Variants in MKRN2 observed in about 807,000 individuals in gnomAD.
The protein encoded by MKRN2 is makorin ring finger protein 2.
Under a neutral mutation model 45.4 loss-of-function variants are expected in MKRN2, and 32 were observed. That is an observed-to-expected ratio of 0.70 (90% CI 0.53 to 0.95). MKRN2 has a LOEUF of 0.95. Among genes scored for constraint, MKRN2 ranks in the 40% least tolerant of loss-of-function variants. The pLI, the probability that MKRN2 is intolerant of heterozygous loss-of-function variation, is 0.00. For missense variants in MKRN2, 526 were observed against 536.7 expected, an observed-to-expected ratio of 0.98 and a Z score of 0.20; for synonymous variants, 206 against 192.4, an observed-to-expected ratio of 1.07 and a Z score of -0.59.
chr3:12,566,298 C>A (rs2058068684), intron 1 of MKRN2, among the ~76,000 whole-genome samples: 1 of 152,200 alleles, frequency 6.6e-6, no homozygotes, highest in African/African-American at 2.4e-5. Context: ...TCCTGTGTTT[C>A]CCTTCTCTTA....
intron 3 of MKRN2, among the ~76,000 whole-genome samples, chr3:12,571,750 A>T (rs1407014115): frequency 6.6e-6 from 1 of 152,154 alleles, no homozygotes; most frequent in Non-Finnish European, 1.5e-5. Context: ...TAACTGGTCC[A>T]TGTGTTAACA....
At chr3:12,562,146 A>C (rs1028884933) in intron 1 of MKRN2, among the ~76,000 whole-genome samples, 1 of 152,174 alleles carries the variant, frequency 6.6e-6, no homozygotes, top group Non-Finnish European at 1.5e-5. Context: ...GAAGCCCATT[A>C]GGGATTCAGT....
At position 12,563,559 on chromosome 3, in the gene MKRN2, G is replaced by A. The variant is rs566171622; in HGVS notation, c.27-5316G>A. ...GGCTGGAGTGCAGTGGCACGATCTC[G>A]GCTCACTGCAGCCTCCGCCTCCTGA... On this transcript the variant is annotated intron_variant, in intron 1 of 7. Coordinates refer to ENST00000170447, the MANE Select transcript of MKRN2 (RefSeq NM_014160.5). 5.7e-3 allele frequency among the ~76,000 whole-genome samples: 833 copies of A among 146,792 alleles called. 3 individuals are homozygous for A. The highest frequency in any genetic ancestry group is 0.028 in the Middle Eastern group (8 of 286).
chr3:12,578,556 A>G (rs575739102), intron 6 of MKRN2, among the ~76,000 whole-genome samples: 2 of 152,128 alleles, frequency 1.3e-5, no homozygotes, highest in Admixed American at 6.5e-5. Flanking sequence ...AGCTCAGGCA[A>G]TCCACCTGCC....
chr3:12,572,512 C>A, intron 4 of MKRN2, 139 bp downstream of exon 4: 1 of 706,324 alleles, frequency 1.4e-6, no homozygotes, highest in Non-Finnish European at 2.1e-6. Flanking sequence ...CACAGGCATC[C>A]CCCTGCCAGT....
chr3:12,558,806 G>C (rs577328140), intron 1 of MKRN2, among the ~76,000 whole-genome samples: 1 of 152,272 alleles, frequency 6.6e-6, no homozygotes, highest in South Asian at 2.1e-4. Context: ...GTTGAGAAGG[G>C]ATCACTTCTG....
Position 12,581,890 on chromosome 3 carries a change from G to A in MKRN2, c.1051G>A (p.Asp351Asn), listed in dbSNP as rs751152524. 3 of 1,614,034 alleles carry A rather than the reference G, an allele frequency of 1.9e-6. No individual in the cohort carries two copies. Among genetic ancestry groups the A allele is most frequent in the Non-Finnish European group, 2.5e-6 (3 of 1,180,044 alleles). Residue 351 changes from aspartate to asparagine, a missense_variant, in exon 7 of 8, where the codon GAT becomes AAT. Transcript: ENST00000170447. ...ATGTCTTTATCGCCATGCTTACCCCGATGGGCGGCTAGCAGAGCCTGAGAA... is the reference window on the plus strand; with the variant it reads ...ATGTCTTTATCGCCATGCTTACCCCAATGGGCGGCTAGCAGAGCCTGAGAA... ...SKCLYRHAYPDGRLAEPEKPR... is the reference protein window; with the variant it reads ...SKCLYRHAYPNGRLAEPEKPR...
chr3:12,581,443 AGCTTAGTG>A (rs1328497626), intron 6 of MKRN2, among the ~76,000 whole-genome samples: 11 of 152,000 alleles, frequency 7.2e-5, no homozygotes, highest in Non-Finnish European at 1.5e-4. Flanking sequence ...CCAGCTTCAG[AGCTTAGTG>A]CCCAGAGGAG....
intron 1 of MKRN2, among the ~76,000 whole-genome samples, chr3:12,557,382 G>C (rs1471541785): frequency 6.6e-6 from 1 of 152,248 alleles, no homozygotes; most frequent in Non-Finnish European, 1.5e-5. Flanking sequence ...CGCTGGGCGA[G>C]GCCAGCGCGG....
chr3:12,572,299 G>C lies in MKRN2; in HGVS notation c.568G>C (p.Gly190Arg). 2.5e-6 allele frequency: 4 copies of C among 1,612,954 alleles called. No homozygotes were observed. The highest frequency in any genetic ancestry group is 3.4e-6 in the Non-Finnish European group (4 of 1,179,038). The change falls in exon 4 of 8, where the codon GGG becomes CGG. Residue 190 changes from glycine (G) to arginine (R), a missense_variant. Coordinates refer to ENST00000170447, the MANE Select transcript of MKRN2 (RefSeq NM_014160.5). ...TGGGGATGCCTGTGTCTACCTGCAC[G>C]GGGAGGTGTGTGAAATCTGTAGGCT... ...RFGDACVYLH[G>R]EVCEICRLQV...
intron 4 of MKRN2, among the ~76,000 whole-genome samples, chr3:12,572,935 C>G (rs1387046942): frequency 6.6e-6 from 1 of 152,168 alleles, no homozygotes; most frequent in Non-Finnish European, 1.5e-5. Flanking sequence ...GAAGTCGTAT[C>G]TGAAATATAA....
rs1406208325 is a variant in MKRN2, at chr3:12,576,563, G to T, written c.858-68G>T. 5.2e-5 allele frequency: 60 copies of T among 1,147,846 alleles called. 1 individual carries two copies. The East Asian group carries it at 1.4e-3, about 26-fold the overall frequency. 71.1% of individuals were successfully genotyped at this position (1,147,846 alleles called of 1,614,324 possible). A position where few individuals can be genotyped will look rare whatever the true frequency, so the allele number is the denominator to read the frequency against. ...TAGTGGTGAGGCAGTTGAGCAAGAG[G>T]TTTAGCAGAGAGTGTGCCCAGGCTT... On this transcript the variant is annotated intron_variant, in intron 5 of 7. Transcript: ENST00000170447.
chr3:12,563,483 C>CTTTTT (rs769910086), intron 1 of MKRN2, among the ~76,000 whole-genome samples: 1 of 101,390 alleles, frequency 9.9e-6, no homozygotes, highest in African/African-American at 4.1e-5. Context: ...TTGTCTAGTT[C>CTTTTT]TTTTTTTTTT....
chr3:12,567,481 C>CTTTTT, intron 1 of MKRN2, among the ~76,000 whole-genome samples: 1 of 76,974 alleles, frequency 1.3e-5, no homozygotes, highest in Non-Finnish European at 2.4e-5. Context: ...GCTAGTTTAT[C>CTTTTT]TTTTTTTTTT....
At chr3:12,577,577 A>G (rs1277401059) in intron 6 of MKRN2, among the ~76,000 whole-genome samples, 5 of 151,890 alleles carry the variant, frequency 3.3e-5, no homozygotes, top group African/African-American at 1.2e-4. Context: ...CATTTTCCTG[A>G]TTCTTCGTAT....
chr3:12,579,452 C>T (rs1158204836), intron 6 of MKRN2, among the ~76,000 whole-genome samples: 1 of 152,140 alleles, frequency 6.6e-6, no homozygotes, highest in Admixed American at 6.5e-5. Flanking sequence ...TAGGTGTGAG[C>T]CACTGTGCCC....
At chr3:12,579,653 A>T (rs2058165096) in intron 6 of MKRN2, among the ~76,000 whole-genome samples, 1 of 152,158 alleles carries the variant, frequency 6.6e-6, no homozygotes, top group South Asian at 2.1e-4. Context: ...GGGGGAAGTG[A>T]TGGAAGGACA....
chr3:12,557,122 CACG>C lies in MKRN2; in HGVS notation c.-22_-20del. The C allele has an allele frequency of 6.7e-7, 1 of 1,494,258 alleles. No individual in the cohort carries two copies. The highest frequency in any genetic ancestry group is 8.9e-7 in the Non-Finnish European group (1 of 1,124,438). The allele number at this position is 1,494,258 out of a possible 1,614,324, so 92.6% of individuals were successfully genotyped here. A position where few individuals can be genotyped will look rare whatever the true frequency, so the allele number is the denominator to read the frequency against. ...CGGCAGCGGCTGCGAGAGGCGGCGG[CACG>C]ACGACGGTCCCTCAGCCCAGCCACC... On this transcript the variant is annotated 5_prime_UTR_variant, in exon 1 of 8. Transcript: ENST00000170447.
At chr3:12,570,351 C>T in intron 3 of MKRN2, 99 bp downstream of exon 3, 1 of 1,190,712 alleles carries the variant, frequency 8.4e-7, no homozygotes, top group Non-Finnish European at 1.2e-6. Flanking sequence ...GGACTCCTAA[C>T]CTAATACACC....
Sources: gnomAD v4.1 joint callset for allele counts (sites outside exome capture counted in the v4.1 genomes callset) on GRCh38, gnomAD v4.1.1 for gene constraint, MANE v1.5 for transcripts, NCBI Gene and HGNC (gene_info 2026-07-23, HGNC 2026-07-21) for gene names.